Variants in PACRG observed in about 807,000 individuals in gnomAD.
The protein encoded by PACRG is parkin coregulated gene protein.
PACRG carries 29 observed loss-of-function variants against 29.7 expected under a neutral mutation model. The observed-to-expected ratio is 0.98, with a 90% confidence interval of 0.73 to 1.33. The LOEUF (loss-of-function observed/expected upper bound fraction) is 1.33. PACRG is among the 40% of genes most tolerant of loss of function. The pLI is 0.00. For synonymous variants in PACRG, 116 were observed against 118.7 expected, an observed-to-expected ratio of 0.98 and a Z score of 0.15; for missense variants, 279 against 316.2, an observed-to-expected ratio of 0.88 and a Z score of 0.89.
intron 4 of PACRG, among the ~76,000 whole-genome samples, chr6:163,312,096 C>T (rs985134279): frequency 6.6e-6 from 1 of 152,192 alleles, no homozygotes; most frequent in Non-Finnish European, 1.5e-5. Flanking sequence ...ACTATCTTTT[C>T]CGTGTGCCCT....
intron 2 of PACRG, among the ~76,000 whole-genome samples, chr6:162,892,347 T>A (rs1451258164): frequency 1.3e-5 from 2 of 152,200 alleles, no homozygotes; most frequent in Non-Finnish European, 1.5e-5. Context: ...GGTCACACGC[T>A]TGACTAAGAC....
chr6:163,097,340 G>T (rs1205333591), intron 4 of PACRG, among the ~76,000 whole-genome samples: 1 of 152,198 alleles, frequency 6.6e-6, no homozygotes, highest in Non-Finnish European at 1.5e-5. Context: ...GTTGCAGATA[G>T]GTTCATGACC....
chr6:162,737,972 A>G (rs1200737043), intron 1 of PACRG, among the ~76,000 whole-genome samples: 1 of 152,114 alleles, frequency 6.6e-6, no homozygotes, highest in Non-Finnish European at 1.5e-5. Flanking sequence ...ATTTTGAAAA[A>G]TTTAAATCTA....
At chr6:163,218,758 C>T (rs563055390) in intron 4 of PACRG, among the ~76,000 whole-genome samples, 5 of 152,326 alleles carry the variant, frequency 3.3e-5, no homozygotes, top group South Asian at 4.1e-4. Flanking sequence ...CTCCCTCTGC[C>T]GCAGGGGCAG....
At chr6:162,766,072 GA>G (rs949006585) in intron 1 of PACRG, among the ~76,000 whole-genome samples, 2 of 152,210 alleles carry the variant, frequency 1.3e-5, no homozygotes, top group African/African-American at 4.8e-5. Flanking sequence ...TCTTTGTGGT[GA>G]AAACATTTAA....
At position 162,941,048 on chromosome 6, in the gene PACRG, A is replaced by ATGTGTG. The variant is rs370462604; in HGVS notation, c.292-121088_292-121083dup. 3.7e-3 allele frequency among the ~76,000 whole-genome samples: 300 copies of ATGTGTG among 81,942 alleles called. 1 individual carries two copies. Among genetic ancestry groups the ATGTGTG allele is most frequent in the African/African-American group, 5.6e-3 (175 of 31,384 alleles). The allele number at this position is 81,942 out of a possible 152,430, so 53.8% of individuals were successfully genotyped here. ...TGTTTGTATATGTGTGTGTTTGTGC[A>ATGTGTG]TGTGTGTGTGTGTGTGTGTTTGTGT... On this transcript the variant is annotated intron_variant, in intron 2 of 4. Transcript: ENST00000366888.
intron 2 of PACRG, among the ~76,000 whole-genome samples, chr6:162,980,061 T>G (rs1802278246): frequency 6.6e-6 from 1 of 152,082 alleles, no homozygotes; most frequent in African/African-American, 2.4e-5. Context: ...ATGGTGGAAT[T>G]TAATAAATGG....
chr6:162,917,925 T>C (rs967359283), intron 2 of PACRG, among the ~76,000 whole-genome samples: 3 of 152,218 alleles, frequency 2.0e-5, no homozygotes, highest in Admixed American at 6.5e-5. Flanking sequence ...TAGACTGATG[T>C]ACCATTCTGT....
rs191480483 is a variant in PACRG at position 162,989,610 on chromosome 6, C to T, written c.292-72540C>T. Reference sequence around the variant, plus strand: ...AATCATAACCAAAAAAATGTCTGTTCATATTCAGTACAGACACAACAAATC... The same window carrying T: ...AATCATAACCAAAAAAATGTCTGTTTATATTCAGTACAGACACAACAAATC... On this transcript the variant is annotated intron_variant, in intron 2 of 4. Transcript: ENST00000366888. Among the ~76,000 whole-genome samples the T allele has an allele frequency of 2.6e-5, 4 of 152,008 alleles. No individual in the cohort carries two copies. In the East Asian group the frequency reaches 7.7e-4, roughly 29 times the overall value.
Position 163,055,166 on chromosome 6 carries a change from A to G in PACRG, c.292-6984A>G, listed in dbSNP as rs989155936. 6.6e-6 allele frequency among the ~76,000 whole-genome samples: 1 copy of G among 152,200 alleles called. No homozygotes were observed. Among genetic ancestry groups the G allele is most frequent in the Non-Finnish European group, 1.5e-5 (1 of 68,038 alleles). On this transcript the variant is annotated intron_variant, in intron 2 of 4. Coordinates refer to ENST00000366888, the MANE Select transcript of PACRG (RefSeq NM_001080379.2). This position sits in a 1 kb window ranked among gnomAD's most constrained non-coding sequence, Gnocchi z 4.0. ...ATAAAGAATTCTCTTGAAAAACTTT[A>G]CTATGAAGAATAATGTGGAAATGGA... is the stretch of plus-strand genomic sequence containing the variant.
At chr6:162,872,659 G>A (rs993831674) in intron 2 of PACRG, among the ~76,000 whole-genome samples, 2 of 152,122 alleles carry the variant, frequency 1.3e-5, no homozygotes, top group Non-Finnish European at 2.9e-5. Flanking sequence ...GAAGAGGGAG[G>A]GAGGGAGGTA....
intron 2 of PACRG, among the ~76,000 whole-genome samples, chr6:162,840,072 T>C (rs1398919034): frequency 1.7e-5 from 2 of 114,326 alleles, no homozygotes; most frequent in African/African-American, 7.3e-5. Flanking sequence ...GACTTGGCGA[T>C]GCAGGCTCTT....
At chr6:163,234,796 A>T (rs762286806) in intron 4 of PACRG, among the ~76,000 whole-genome samples, 15 of 152,208 alleles carry the variant, frequency 9.9e-5, no homozygotes, top group Non-Finnish European at 1.9e-4. Context: ...CTGAGCAACA[A>T]TGCTGTCTTG....
chr6:162,963,189 A>G (rs1362195315), intron 2 of PACRG, among the ~76,000 whole-genome samples: 4 of 152,226 alleles, frequency 2.6e-5, no homozygotes, highest in African/African-American at 9.6e-5. Flanking sequence ...GAAGGCAGGT[A>G]GAGTAATTTA....
intron 2 of PACRG, among the ~76,000 whole-genome samples, chr6:163,021,914 A>G (rs958007312): frequency 2.6e-5 from 4 of 151,144 alleles, no homozygotes; most frequent in African/African-American, 9.9e-5. Context: ...TAATTTTATG[A>G]TAACATTCTC....
At chr6:163,044,711 C>G (rs1011684192) in intron 2 of PACRG, 9 of 152,282 alleles carry the variant, frequency 5.9e-5, no homozygotes, top group African/African-American at 1.9e-4. Context: ...GCTGGCAAAC[C>G]CTCAGGTCGG....
At chr6:162,962,541 C>T (rs1376800129) in intron 2 of PACRG, among the ~76,000 whole-genome samples, 1 of 149,486 alleles carries the variant, frequency 6.7e-6, no homozygotes, top group Non-Finnish European at 1.5e-5. Flanking sequence ...AAGTGGGGCC[C>T]CCATGATGGG....
At chr6:162,878,912 A>C (rs567223790) in intron 2 of PACRG, among the ~76,000 whole-genome samples, 1 of 152,322 alleles carries the variant, frequency 6.6e-6, no homozygotes, top group African/African-American at 2.4e-5. Flanking sequence ...TTCTAGAAAT[A>C]TTATTGCTAT....
rs143238035 is a variant in PACRG, at chr6:163,306,056, C to T, written c.614-8771C>T. ...TTCAGGATCCCAGTATCACTTACTG[C>T]TTACATCATTTCACTACATTTTCTC... On this transcript the variant is annotated intron_variant, in intron 4 of 4. Transcript: ENST00000366888. Among the ~76,000 whole-genome samples the T allele has an allele frequency of 3.0e-3, 455 of 152,296 alleles. 1 individual carries two copies. Among genetic ancestry groups the T allele is most frequent in the African/African-American group, 0.01 (430 of 41,558 alleles).
Sources: allele counts gnomAD v4.1 joint callset (sites outside exome capture counted in the v4.1 genomes callset), GRCh38; gene constraint gnomAD v4.1.1; non-coding constraint Gnocchi (gnomAD v3.1); transcripts MANE v1.5; gene names NCBI Gene and HGNC (gene_info 2026-07-23, HGNC 2026-07-21).